Variants in C18orf63 observed in about 807,000 individuals in gnomAD.
The protein encoded by C18orf63 is chromosome 18 open reading frame 63.
Under a neutral mutation model 75.3 loss-of-function variants are expected in C18orf63, and 50 were observed. That is an observed-to-expected ratio of 0.66 (90% CI 0.53 to 0.84). C18orf63 has a LOEUF of 0.84. C18orf63 is among the 40% of genes least tolerant of loss of function. The pLI, the probability that C18orf63 is intolerant of heterozygous loss-of-function variation, is 0.00. For missense variants in C18orf63, 732 were observed against 800.2 expected (o/e 0.91, Z 1.03); for synonymous variants, 232 against 267.6 (o/e 0.87, Z 1.30).
chr18:74,354,883 C>G (rs1038846238), intron 13 of C18orf63, among the ~76,000 whole-genome samples: 1 of 152,180 alleles, frequency 6.6e-6, no homozygotes. Context: ...ACTACAATAT[C>G]CACTTTTTGG....
intron 4 of C18orf63, among the ~76,000 whole-genome samples, chr18:74,323,403 A>G (rs1984157853): frequency 6.6e-6 from 1 of 152,232 alleles, no homozygotes; most frequent in Admixed American, 6.5e-5. Context: ...TGTCAATAAC[A>G]CTTTCCAGTT....
chr18:74,342,106 T>G lies in C18orf63; in HGVS notation c.686T>G (p.Phe229Cys). The change falls in exon 9 of 14, where the codon TTC becomes TGC. Residue 229 changes from phenylalanine (F) to cysteine (C), a missense_variant. Phe to Cys is a radical substitution (Grantham distance 205). Around this residue, in one of 3 missense-constraint regions of C18orf63, gnomAD observed 4 missense variants for 18.8 expected, o/e 0.21. Coordinates refer to ENST00000579455, the MANE Select transcript of C18orf63 (RefSeq NM_001174123.2). ...TGTCCTTTTCACTCATATGGAGATT[T>G]CCAGAGACACTGGGATGCCCTGGTA... ...AACPFHSYGD[F>C]QRHWDALYGY... The G allele has an allele frequency of 6.6e-7, 1 of 1,520,552 alleles. No homozygotes were observed. The highest frequency in any genetic ancestry group is 8.8e-7 in the Non-Finnish European group (1 of 1,133,328). The allele number at this position is 1,520,552 out of a possible 1,614,324, so 94.2% of individuals were successfully genotyped here. A position where few individuals can be genotyped will look rare whatever the true frequency, so the allele number is the denominator to read the frequency against.
At chr18:74,341,070 C>A (rs1184910463) in intron 8 of C18orf63, among the ~76,000 whole-genome samples, 2 of 149,880 alleles carry the variant, frequency 1.3e-5, no homozygotes, top group Admixed American at 1.3e-4. Flanking sequence ...CGAGACCATC[C>A]CGGCTAAAAC....
At chr18:74,325,620 T>C (rs150874843) in intron 4 of C18orf63, among the ~76,000 whole-genome samples, 1 of 152,348 alleles carries the variant, frequency 6.6e-6, no homozygotes, top group Non-Finnish European at 1.5e-5. Context: ...GAGAGCAGTA[T>C]TGAAGTCTTT....
intron 8 of C18orf63, among the ~76,000 whole-genome samples, chr18:74,340,266 A>G (rs1984458947): frequency 6.6e-6 from 1 of 152,220 alleles, no homozygotes; most frequent in South Asian, 2.1e-4. Context: ...GCTCAACACC[A>G]CTAATCATCA....
intron 5 of C18orf63, 58 bp from the exon 6 acceptor site, chr18:74,328,937 A>T: frequency 1.1e-6 from 1 of 946,666 alleles, no homozygotes; most frequent in South Asian, 1.4e-5. Flanking sequence ...AGTTATAAAT[A>T]TCAAGCATGA....
chr18:74,349,852 A>T (rs929470572), intron 11 of C18orf63, among the ~76,000 whole-genome samples: 1 of 152,224 alleles, frequency 6.6e-6, no homozygotes, highest in Non-Finnish European at 1.5e-5. Flanking sequence ...TTTCTGCAAA[A>T]ACAGAAGTGT....
intron 13 of C18orf63, among the ~76,000 whole-genome samples, chr18:74,355,138 T>C (rs1397785590): frequency 6.6e-6 from 1 of 152,218 alleles, no homozygotes; most frequent in Non-Finnish European, 1.5e-5. Flanking sequence ...TTTTTTTACA[T>C]AGAACTATTG....
At chr18:74,338,031 C>T (rs1405292277) in intron 7 of C18orf63, among the ~76,000 whole-genome samples, 1 of 152,148 alleles carries the variant, frequency 6.6e-6, no homozygotes, top group Admixed American at 6.5e-5. Flanking sequence ...ATCATTCTGT[C>T]TAATGTTAAT....
chr18:74,354,722 C>T (rs1031446574), intron 13 of C18orf63, among the ~76,000 whole-genome samples, 176 bp downstream of exon 13: 1 of 152,198 alleles, frequency 6.6e-6, no homozygotes, highest in African/African-American at 2.4e-5. Context: ...AAGGACCATA[C>T]ACAGCAGCTG....
chr18:74,329,148 G>A (rs2145119298), intron 6 of C18orf63, 112 bp downstream of exon 6: 1 of 651,722 alleles, frequency 1.5e-6, no homozygotes, highest in South Asian at 1.9e-5. Context: ...CAACGGTTTG[G>A]GAGGCCAAGG....
At chr18:74,316,536 C>A (rs1235987247) in intron 1 of C18orf63, among the ~76,000 whole-genome samples, 1 of 152,192 alleles carries the variant, frequency 6.6e-6, no homozygotes, top group Non-Finnish European at 1.5e-5. Context: ...CTGGGCGCTC[C>A]CAGAGTTTTG....
chr18:74,320,544 A>T lies in C18orf63; in HGVS notation c.166A>T (p.Thr56Ser). ...GCTGTTTTTGCATCAAGATATTCTTACATCACCTGTGTCTGGAATATTAAA... is the reference window on the plus strand; with the variant it reads ...GCTGTTTTTGCATCAAGATATTCTTTCATCACCTGTGTCTGGAATATTAAA... ...QLLFLHQDIL[T>S]SPVSGILNQI... The change falls in exon 3 of 14, where the codon ACA becomes TCA. Residue 56 changes from threonine (T) to serine (S), a missense_variant. Transcript: ENST00000579455. The T allele has an allele frequency of 6.5e-7, 1 of 1,534,542 alleles. No individual in the cohort carries two copies. Among genetic ancestry groups the T allele is most frequent in the Non-Finnish European group, 8.7e-7 (1 of 1,145,946 alleles).
At position 74,318,011 on chromosome 18, in the gene C18orf63, C is replaced by G; in HGVS notation, c.134+12C>G. 2.1e-6 allele frequency: 3 copies of G among 1,462,594 alleles called. No homozygotes were observed. Among genetic ancestry groups the G allele is most frequent in the Non-Finnish European group, 2.7e-6 (3 of 1,106,768 alleles). The allele number at this position is 1,462,594 out of a possible 1,614,324, so 90.6% of individuals were successfully genotyped here. ...ATGAAGATGTGCAGGTAAAAAAATA[C>G]ATCTTATAACTAAGACTTTTAAAAC... On this transcript the variant is annotated intron_variant, in intron 2 of 13. Transcript: ENST00000579455.
At chr18:74,345,639 A>C (rs1328298949) in intron 11 of C18orf63, among the ~76,000 whole-genome samples, 1 of 152,098 alleles carries the variant, frequency 6.6e-6, no homozygotes, top group Non-Finnish European at 1.5e-5. Context: ...TTACCCCAGT[A>C]CTTTTTCCCC....
chr18:74,353,907 T>C lies in C18orf63; in HGVS notation c.1640T>C (p.Val547Ala). 1 of 1,536,078 alleles carries C rather than the reference T, an allele frequency of 6.5e-7. No individual in the cohort carries two copies. The highest frequency in any genetic ancestry group is 1.2e-5 in the South Asian group (1 of 84,062). The change falls in exon 12 of 14, where the codon GTA becomes GCA. Residue 547 changes from valine to alanine, a missense_variant. Physicochemically the swap from Val to Ala is moderately conservative, Grantham distance 64. Around this residue, in one of 3 missense-constraint regions of C18orf63, gnomAD observed 495 missense variants for 508.7 expected, o/e 0.97. Coordinates refer to ENST00000579455, the MANE Select transcript of C18orf63 (RefSeq NM_001174123.2). ...AATAAGCAACTATCTAATAGTGCAG[T>C]ATTTGTGGTGTCAAATAACAATTTA... is the stretch of plus-strand genomic sequence containing the variant. ...NKNKQLSNSA[V>A]FVVSNNNLGV...
intron 4 of C18orf63, among the ~76,000 whole-genome samples, chr18:74,324,061 A>G (rs1389389998): frequency 1.3e-5 from 2 of 152,248 alleles, no homozygotes; most frequent in Non-Finnish European, 2.9e-5. Flanking sequence ...TTGTAAAATA[A>G]ATGAATAAAT....
At chr18:74,320,733 A>T in intron 3 of C18orf63, 142 bp downstream of exon 3, 1 of 506,846 alleles carries the variant, frequency 2.0e-6, no homozygotes, top group Non-Finnish European at 3.4e-6. Flanking sequence ...TAATTGGATT[A>T]TTAACAAACT....
chr18:74,329,882 C>T (rs963007123), intron 6 of C18orf63, among the ~76,000 whole-genome samples: 4 of 152,116 alleles, frequency 2.6e-5, no homozygotes, highest in African/African-American at 9.7e-5. Flanking sequence ...GAGTCACCAC[C>T]GTAGACATTA....
Sources: allele counts gnomAD v4.1 joint callset (sites outside exome capture counted in the v4.1 genomes callset), GRCh38; gene constraint gnomAD v4.1.1; regional missense constraint gnomAD v4.1.1; transcripts MANE v1.5; gene names NCBI Gene and HGNC (gene_info 2026-07-23, HGNC 2026-07-21).